MKLN1: variants seen among roughly 807,000 people sequenced by gnomAD.
The protein encoded by MKLN1 is muskelin.
Under a neutral mutation model 99.0 loss-of-function variants are expected in MKLN1, and 18 were observed. That is an observed-to-expected ratio of 0.18 (90% CI 0.13 to 0.27). The LOEUF is 0.27. MKLN1 is among the 10% of genes least tolerant of loss of function. The pLI, the probability that MKLN1 is intolerant of heterozygous loss-of-function variation, is 1.00. For missense variants in MKLN1, 621 were observed against 875.9 expected (o/e 0.71, Z 3.67); for synonymous variants, 288 against 293.2 (o/e 0.98, Z 0.18).
At chr7:131,293,126 C>T (rs1798245731) in intron 3 of MKLN1, among the ~76,000 whole-genome samples, 1 of 152,214 alleles carries the variant, frequency 6.6e-6, no homozygotes, top group Admixed American at 6.5e-5. Flanking sequence ...GAGGCTTCTA[C>T]ACTCTTTCAG....
intron 2 of MKLN1, among the ~76,000 whole-genome samples, chr7:131,175,185 C>T (rs111246169): frequency 1.2e-4 from 17 of 140,804 alleles, no homozygotes; most frequent in African/African-American, 3.6e-4. Context: ...GATAGATAGA[C>T]AGATAGATAG....
At chr7:131,254,945 G>A (rs1050073377) in intron 3 of MKLN1, among the ~76,000 whole-genome samples, 7 of 151,914 alleles carry the variant, frequency 4.6e-5, no homozygotes, top group Admixed American at 6.6e-5. Context: ...AGGCTGGAGC[G>A]CAGTGGCACA....
chr7:131,374,249 G>T (rs984435833), intron 1 of MKLN1, among the ~76,000 whole-genome samples: 4 of 152,212 alleles, frequency 2.6e-5, no homozygotes, highest in Non-Finnish European at 5.9e-5. Context: ...TTGGAGAGTG[G>T]TATGTGGAAA....
At chr7:131,243,751 C>T (rs762482922) in intron 3 of MKLN1, among the ~76,000 whole-genome samples, 66 of 152,274 alleles carry the variant, frequency 4.3e-4, no homozygotes, top group Non-Finnish European at 5.7e-4. Flanking sequence ...AGGTAGCTCA[C>T]GTCTGTAATC....
intron 2 of MKLN1, among the ~76,000 whole-genome samples, chr7:131,385,036 C>A (rs934337478): frequency 2.6e-5 from 4 of 152,202 alleles, no homozygotes; most frequent in Admixed American, 2.6e-4. Context: ...TAAGGAGTAT[C>A]TCCTTTTCGA....
At chr7:131,127,682 G>C (rs1462032540) in intron 1 of MKLN1, among the ~76,000 whole-genome samples, 1 of 152,212 alleles carries the variant, frequency 6.6e-6, no homozygotes, top group African/African-American at 2.4e-5. Context: ...ATTTTGAACT[G>C]TGCCTGGAGC....
chr7:131,386,312 A>G (rs544202174), intron 2 of MKLN1, among the ~76,000 whole-genome samples: 45 of 152,256 alleles, frequency 3.0e-4, no homozygotes, highest in African/African-American at 9.1e-4. Context: ...GCACCCGGCC[A>G]GGTCTTCAGT....
chr7:131,383,148 C>T (rs1430784225), intron 2 of MKLN1, among the ~76,000 whole-genome samples: 1 of 152,148 alleles, frequency 6.6e-6, no homozygotes, highest in Non-Finnish European at 1.5e-5. Context: ...CACCTTAAAA[C>T]CTTTTTATGT....
intron 3 of MKLN1, among the ~76,000 whole-genome samples, chr7:131,312,151 T>C (rs949799659): frequency 1.3e-5 from 2 of 152,058 alleles, no homozygotes; most frequent in African/African-American, 4.8e-5. Flanking sequence ...GCCTCCCAAG[T>C]AGCTGGGATT....
At chr7:131,435,974 T>C (rs1253836764) in intron 9 of MKLN1, among the ~76,000 whole-genome samples, 1 of 152,158 alleles carries the variant, frequency 6.6e-6, no homozygotes, top group Non-Finnish European at 1.5e-5. Flanking sequence ...AGTTCTATTA[T>C]TCTCTTATTA....
chr7:131,399,320 A>C lies in MKLN1; in HGVS notation c.590A>C (p.Gln197Pro). The change falls in exon 6 of 18, where the codon CAA (glutamine) becomes CCA (proline). Residue 197 changes from glutamine (Q) to proline (P), a missense_variant. By Grantham distance (76) the Gln-to-Pro change is moderately conservative. Coordinates refer to ENST00000352689, the MANE Select transcript of MKLN1 (RefSeq NM_013255.5). The stretch of plus-strand genomic sequence containing the variant: ...TATACAGAAGCTTTTGAGTCACTGC[A>C]AAAGAAAACCAAGATTGCACTGGAA... ...HNYTEAFESL[Q>P]KKTKIALEHP... 1.2e-6 allele frequency: 2 copies of C among 1,614,054 alleles called. No homozygotes were observed. Among genetic ancestry groups the C allele is most frequent in the Non-Finnish European group, 1.7e-6 (2 of 1,179,950 alleles).
At chr7:131,229,006 G>T (rs911424791) in intron 3 of MKLN1, among the ~76,000 whole-genome samples, 2 of 152,122 alleles carry the variant, frequency 1.3e-5, no homozygotes, top group African/African-American at 4.8e-5. Flanking sequence ...GTTATAGTCT[G>T]GTTTTATACA....
intron 2 of MKLN1, among the ~76,000 whole-genome samples, chr7:131,155,836 T>C (rs1031867196): frequency 1.3e-5 from 2 of 152,192 alleles, no homozygotes; most frequent in Non-Finnish European, 2.9e-5. Context: ...CAGTGTCTCC[T>C]TTCCACGTCG....
intron 1 of MKLN1, among the ~76,000 whole-genome samples, chr7:131,367,404 A>G (rs996211610): frequency 1.3e-5 from 2 of 152,200 alleles, no homozygotes; most frequent in Non-Finnish European, 2.9e-5. Flanking sequence ...TATTTGACTC[A>G]TATAGTTGAT....
chr7:131,297,515 C>A (rs759313396), intron 3 of MKLN1, among the ~76,000 whole-genome samples: 1 of 151,830 alleles, frequency 6.6e-6, no homozygotes, highest in African/African-American at 2.4e-5. Context: ...CCGTTCTGTA[C>A]GGACAACTGC....
chr7:131,419,961 G>A (rs900260659), intron 8 of MKLN1, among the ~76,000 whole-genome samples: 6 of 152,172 alleles, frequency 3.9e-5, no homozygotes, highest in African/African-American at 1.4e-4. Context: ...GAAGGGCAGC[G>A]AGTCCTTTAA....
chr7:131,138,004 C>A (rs1476208420), intron 1 of MKLN1, among the ~76,000 whole-genome samples: 1 of 150,146 alleles, frequency 6.7e-6, no homozygotes, highest in African/African-American at 2.5e-5. Context: ...CGGCTCACCG[C>A]AACCTCCGCC....
At chr7:131,385,971 C>G (rs964248255) in intron 2 of MKLN1, among the ~76,000 whole-genome samples, 4 of 149,120 alleles carry the variant, frequency 2.7e-5, no homozygotes, top group Admixed American at 6.7e-5. Context: ...TAGTTTTTGT[C>G]TAAGATGTTT....
chr7:131,466,284 C>T lies in MKLN1; in HGVS notation c.1797C>T (p.Tyr599=), dbSNP rs746796189. Residue 599 remains tyrosine (Y), a synonymous_variant, in exon 15 of 18, where the codon TAC becomes TAT. Transcript: ENST00000352689. ...TATTTTGCTTATTATAGGTTCATTA[C>T]TTATTTGGTGGGAATCCAGGAAAAT... is the stretch of plus-strand genomic sequence containing the variant. ...LVYDELHKVH[Y]LFGGNPGKSC... 38 of 1,598,868 alleles carry T rather than the reference C, an allele frequency of 2.4e-5. No homozygotes were observed. Among genetic ancestry groups the T allele is most frequent in the Non-Finnish European group, 3.1e-5 (36 of 1,171,030 alleles).
Sources: allele counts gnomAD v4.1 joint callset (sites outside exome capture counted in the v4.1 genomes callset), GRCh38; gene constraint gnomAD v4.1.1; transcripts MANE v1.5; gene names NCBI Gene and HGNC (gene_info 2026-07-23, HGNC 2026-07-21).